Variants in PRKACB observed in about 807,000 individuals in gnomAD.
PRKACB encodes cAMP-dependent protein kinase catalytic subunit beta.
PRKACB carries 16 observed loss-of-function variants against 51.4 expected under a neutral mutation model. The observed-to-expected ratio is 0.31, with a 90% CI of 0.21 to 0.47. The LOEUF is 0.47. Among genes scored for constraint, PRKACB ranks in the 20% least tolerant of loss-of-function variants. The pLI is 1.00. For synonymous variants in PRKACB, 147 were observed against 154.4 expected, an observed-to-expected ratio of 0.95 and a Z score of 0.35; for missense variants, 309 against 464.5, an observed-to-expected ratio of 0.67 and a Z score of 3.08.
chr1:84,216,903 T>C (rs1362308685), intron 9 of PRKACB, among the ~76,000 whole-genome samples: 2 of 152,338 alleles, frequency 1.3e-5, no homozygotes, highest in Non-Finnish European at 2.9e-5. Context: ...AAACAATAAA[T>C]TGTTTCACAA....
At chr1:84,109,611 C>T (rs745483339) in intron 1 of PRKACB, among the ~76,000 whole-genome samples, 1 of 151,784 alleles carries the variant, frequency 6.6e-6, no homozygotes, top group African/African-American at 2.4e-5. Flanking sequence ...TTCCCATACA[C>T]GATTGAAAAA....
intron 1 of PRKACB, among the ~76,000 whole-genome samples, chr1:84,098,759 C>T (rs561196806): frequency 4.9e-4 from 74 of 152,108 alleles, no homozygotes; most frequent in South Asian, 2.1e-4. Flanking sequence ...GAGATTTCAC[C>T]AGGGTTCTGG....
intron 1 of PRKACB, among the ~76,000 whole-genome samples, chr1:84,136,506 A>ACACACACACACACG (rs1652830489): frequency 6.6e-6 from 1 of 151,908 alleles, no homozygotes; most frequent in African/African-American, 2.4e-5. Flanking sequence ...ACACACACAC[A>ACACACACACACACG]CACACACACA....
intron 1 of PRKACB, among the ~76,000 whole-genome samples, chr1:84,177,603 TTGG>T (rs1661740773): frequency 6.6e-6 from 1 of 151,834 alleles, no homozygotes; most frequent in African/African-American, 2.4e-5. Context: ...TTAGCCAGAC[TTGG>T]TGGTGCACAT....
chr1:84,086,530 G>A (rs1648007660), intron 1 of PRKACB, among the ~76,000 whole-genome samples: 1 of 152,152 alleles, frequency 6.6e-6, no homozygotes, highest in South Asian at 2.1e-4. Flanking sequence ...GCCACACCTT[G>A]GTCCTCATCT....
Position 84,235,947 on chromosome 1 carries a change from G to A in PRKACB, c.*642G>A, listed in dbSNP as rs564371968. ...GAAATTTGGAAGGCTGTAGATCAGAGGTTCTAGTTCCCTTTCCCTCCTTTT... is the reference window on the plus strand; with the variant it reads ...GAAATTTGGAAGGCTGTAGATCAGAAGTTCTAGTTCCCTTTCCCTCCTTTT... On this transcript the variant is annotated 3_prime_UTR_variant, in exon 10 of 10. Coordinates refer to ENST00000370685, the MANE Select transcript of PRKACB (RefSeq NM_182948.4). 4.6e-5 allele frequency: 7 copies of A among 152,704 alleles called. No homozygotes were observed. The highest frequency in any genetic ancestry group is 1.4e-4 in the African/African-American group (6 of 41,552). 9.5% of individuals were successfully genotyped at this position (152,704 alleles called of 1,614,324 possible).
intron 5 of PRKACB, among the ~76,000 whole-genome samples, chr1:84,186,273 C>A (rs1665078748): frequency 6.6e-6 from 1 of 151,850 alleles, no homozygotes; most frequent in Non-Finnish European, 1.5e-5. Flanking sequence ...GGCTGGAGTA[C>A]AGCGGCACCA....
chr1:84,097,774 C>A (rs1056833965), intron 1 of PRKACB, among the ~76,000 whole-genome samples: 5 of 151,934 alleles, frequency 3.3e-5, no homozygotes, highest in Admixed American at 6.6e-5. Flanking sequence ...ATATTCCAGT[C>A]TTAAAAGAAA....
intron 1 of PRKACB, chr1:84,173,400 C>T (rs769096427): frequency 9.5e-5 from 136 of 1,435,054 alleles, no homozygotes; most frequent in Admixed American, 6.0e-4. Flanking sequence ...CTTTGATTAT[C>T]GTAAGCTAAA....
upstream of PRKACB, among the ~76,000 whole-genome samples, chr1:84,143,752 T>C (rs1225112304): frequency 6.6e-6 from 1 of 152,238 alleles, no homozygotes; most frequent in Non-Finnish European, 1.5e-5. Context: ...GTATTAGGCC[T>C]AAATCAATGA....
At chr1:84,185,075 G>A in intron 4 of PRKACB, 25 bp from the exon 5 acceptor site, 1 of 1,351,590 alleles carries the variant, frequency 7.4e-7, no homozygotes. Flanking sequence ...TTGAATAATT[G>A]TATTTCCTTT....
intron 1 of PRKACB, among the ~76,000 whole-genome samples, chr1:84,146,505 G>A (rs530042353): frequency 8.9e-4 from 135 of 151,946 alleles, no homozygotes; most frequent in Non-Finnish European, 1.6e-3. Context: ...TTTATTTGGC[G>A]AATGAGTTAT....
intron 1 of PRKACB, among the ~76,000 whole-genome samples, chr1:84,167,558 A>G (rs1272130707): frequency 2.6e-5 from 4 of 151,642 alleles, no homozygotes; most frequent in African/African-American, 9.7e-5. Flanking sequence ...TTATATTGAA[A>G]TTATAAATTT....
At chr1:84,116,280 T>C (rs1205476968) in intron 1 of PRKACB, among the ~76,000 whole-genome samples, 1 of 152,220 alleles carries the variant, frequency 6.6e-6, no homozygotes, top group East Asian at 1.9e-4. Flanking sequence ...GGTAATGTGA[T>C]GCCTCCAGCT....
At chr1:84,235,142 T>C in intron 9 of PRKACB, 38 bp from the exon 10 acceptor site, 1 of 1,573,612 alleles carries the variant, frequency 6.4e-7, no homozygotes, top group Non-Finnish European at 8.6e-7. Context: ...GGAATTTTTT[T>C]TTCCTTTTTC....
rs75310426 is a variant in PRKACB, at chr1:84,088,606, G to A, written c.46+10235G>A. Among the ~76,000 whole-genome samples the A allele has an allele frequency of 2.0e-5, 3 of 152,280 alleles. No individual in the cohort carries two copies. In the East Asian group the frequency reaches 5.8e-4, roughly 29 times the overall value. On this transcript the variant is annotated intron_variant, in intron 1 of 8. Coordinates refer to the PRKACB transcript ENST00000370688. ...TCAATCTTAGCTCAGCTCCCTCTGA[G>A]TAGGAGCCATGACAGGTTAAACTGT...
chr1:84,217,005 AAAAG>A (rs1558308182), intron 9 of PRKACB, among the ~76,000 whole-genome samples: 1 of 152,196 alleles, frequency 6.6e-6, no homozygotes, highest in Non-Finnish European at 1.5e-5. Flanking sequence ...AGGCAGCAAA[AAAAG>A]AGAATGAACT....
intron 1 of PRKACB, among the ~76,000 whole-genome samples, chr1:84,136,670 C>G (rs1326332137): frequency 6.6e-6 from 1 of 152,182 alleles, no homozygotes; most frequent in Admixed American, 6.5e-5. Flanking sequence ...ATCCAGCAAT[C>G]ACACTTGTAG....
intron 1 of PRKACB, among the ~76,000 whole-genome samples, chr1:84,105,360 C>T (rs974519073): frequency 5.3e-5 from 8 of 152,082 alleles, no homozygotes; most frequent in African/African-American, 1.7e-4. Context: ...GTCATTCTGA[C>T]ATCGAGGCAC....
Sources: allele counts gnomAD v4.1 joint callset (sites outside exome capture counted in the v4.1 genomes callset), GRCh38; gene constraint gnomAD v4.1.1; transcripts MANE v1.5; gene names NCBI Gene and HGNC (gene_info 2026-07-23, HGNC 2026-07-21).